KIZ: variants seen among roughly 807,000 people sequenced by gnomAD.
The protein encoded by KIZ is kizuna centrosomal protein, also known as centrosomal protein kizuna.
A neutral mutation model predicts 79.6 loss-of-function variants in KIZ; 68 were observed. The observed-to-expected ratio is 0.85, with a 90% CI of 0.70 to 1.05. The LOEUF is 1.05. Ranked by LOEUF, KIZ falls within the 50% of genes least tolerant of loss-of-function variation. The pLI, the probability that KIZ is intolerant of heterozygous loss-of-function variation, is 0.00. For synonymous variants in KIZ, 280 were observed against 281.8 expected (o/e 0.99, Z 0.06); for missense variants, 797 against 800.4 (o/e 1.00, Z 0.05).
chr20:21,129,236 G>A (rs953284101), intron 1 of KIZ, among the ~76,000 whole-genome samples: 13 of 152,182 alleles, frequency 8.5e-5, no homozygotes, highest in African/African-American at 3.1e-4. Context: ...TTTTGCCTGG[G>A]AGAGAAAGCC....
At chr20:21,240,712 GC>G (rs11087349) in intron 11 of KIZ, among the ~76,000 whole-genome samples, 87,349 of 151,836 alleles carry the variant, frequency 0.58, 27,029 homozygotes, top group South Asian at 0.78. Flanking sequence ...AGTCCATACG[GC>G]CCGCAAGCTA....
intron 7 of KIZ, among the ~76,000 whole-genome samples, chr20:21,209,226 T>C (rs1450853795): frequency 6.6e-6 from 1 of 152,238 alleles, no homozygotes; most frequent in Admixed American, 6.5e-5. Flanking sequence ...AGATAAGGTC[T>C]GCAGTGCCCA....
chr20:21,190,718 ATGT>A (rs1255433208), intron 6 of KIZ, among the ~76,000 whole-genome samples: 4 of 152,220 alleles, frequency 2.6e-5, no homozygotes, highest in South Asian at 2.1e-4. Flanking sequence ...AGGATTTTAA[ATGT>A]TGTTATTTGT....
At chr20:21,183,366 A>G (rs1029764330) in intron 6 of KIZ, among the ~76,000 whole-genome samples, 5 of 152,240 alleles carry the variant, frequency 3.3e-5, no homozygotes, top group Non-Finnish European at 5.9e-5. Context: ...ATTTTAAGTT[A>G]GTGAATTTTA....
chr20:21,148,790 T>C (rs1288463663), intron 4 of KIZ: 1 of 152,148 alleles, frequency 6.6e-6, no homozygotes, highest in Non-Finnish European at 1.5e-5. Flanking sequence ...TATATTCTAC[T>C]AGAAATAGAA....
At chr20:21,205,175 C>A (rs1450113375) in intron 6 of KIZ, among the ~76,000 whole-genome samples, 1 of 152,080 alleles carries the variant, frequency 6.6e-6, no homozygotes, top group African/African-American at 2.4e-5. Context: ...TTAAAAAGTC[C>A]ACTGGCCAAG....
At chr20:21,219,313 C>CT (rs879523075) in intron 9 of KIZ, among the ~76,000 whole-genome samples, 43 of 147,938 alleles carry the variant, frequency 2.9e-4, no homozygotes, top group African/African-American at 4.0e-4. Context: ...GGAACCATGA[C>CT]TTTTTTTTTT....
At chr20:21,126,495 G>A (rs1270432621) in intron 1 of KIZ, among the ~76,000 whole-genome samples, 1 of 152,176 alleles carries the variant, frequency 6.6e-6, no homozygotes, top group Non-Finnish European at 1.5e-5. Context: ...GCCCAGAAGT[G>A]AAGGTGGGAG....
At chr20:21,193,164 G>C (rs989366237) in intron 6 of KIZ, among the ~76,000 whole-genome samples, 1 of 152,020 alleles carries the variant, frequency 6.6e-6, no homozygotes, top group African/African-American at 2.4e-5. Flanking sequence ...CCCAATGTTG[G>C]CAAATTTGTT....
At chr20:21,244,193 A>T in intron 11 of KIZ, 52 bp from the exon 12 acceptor site, 1 of 1,248,458 alleles carries the variant, frequency 8.0e-7, no homozygotes, top group East Asian at 2.3e-5. Flanking sequence ...TGAAAATATT[A>T]GTCTCATTGT....
chr20:21,170,810 C>T (rs2034173186), intron 6 of KIZ, among the ~76,000 whole-genome samples: 1 of 152,222 alleles, frequency 6.6e-6, no homozygotes, highest in Non-Finnish European at 1.5e-5. Context: ...TCTTTCTACT[C>T]TCTGTCTCCA....
At chr20:21,196,927 A>T (rs2035366996) in intron 6 of KIZ, 1 of 152,256 alleles carries the variant, frequency 6.6e-6, no homozygotes, top group South Asian at 2.1e-4. Context: ...TCAGGCACAT[A>T]GCCATCAACT....
rs761126305 is a variant in KIZ at position 21,162,070 on chromosome 20, A to G, written c.605A>G (p.Asn202Ser). The change falls in exon 5 of 13, where the codon AAT (asparagine) becomes AGT (serine). Residue 202 changes from asparagine (N) to serine (S), a missense_variant. Asn to Ser is a conservative substitution (Grantham distance 46). Coordinates refer to ENST00000619189, the MANE Select transcript of KIZ (RefSeq NM_018474.6). ...HSHRQTAQSSNVTDSCVVQTS... is the reference protein window; with the variant it reads ...HSHRQTAQSSSVTDSCVVQTS... ...CACCGACAGACAGCCCAGAGCAGTA[A>G]TGTGACAGACAGCTGTGTAGTACAA... The G allele has an allele frequency of 5.0e-6, 8 of 1,613,930 alleles. No individual in the cohort carries two copies. Among genetic ancestry groups the G allele is most frequent in the Middle Eastern group, 1.6e-4 (1 of 6,062 alleles).
intron 6 of KIZ, chr20:21,194,033 A>G (rs908805998): frequency 1.3e-5 from 2 of 152,172 alleles, no homozygotes; most frequent in African/African-American, 4.8e-5. Context: ...AACAAAAAAA[A>G]TCCCTGTACC....
intron 7 of KIZ, among the ~76,000 whole-genome samples, chr20:21,208,233 A>C (rs2123220328): frequency 6.6e-6 from 1 of 152,318 alleles, no homozygotes; most frequent in African/African-American, 2.4e-5. Flanking sequence ...AGTCCCAAAC[A>C]ACCAATCTAC....
chr20:21,229,814 G>A (rs1276929288), intron 10 of KIZ, among the ~76,000 whole-genome samples: 3 of 152,216 alleles, frequency 2.0e-5, no homozygotes, highest in South Asian at 4.1e-4. Context: ...GGACTCAAGC[G>A]ATCCACCTGC....
intron 6 of KIZ, among the ~76,000 whole-genome samples, chr20:21,205,013 C>T (rs1236729509): frequency 6.6e-6 from 1 of 152,180 alleles, no homozygotes; most frequent in Non-Finnish European, 1.5e-5. Flanking sequence ...CGTGGTGGCT[C>T]ACCCCTGTAA....
intron 9 of KIZ, among the ~76,000 whole-genome samples, chr20:21,216,290 G>A (rs1304234790): frequency 6.6e-6 from 1 of 152,078 alleles, no homozygotes; most frequent in Non-Finnish European, 1.5e-5. Context: ...ACCTTATTTT[G>A]TGAAGTGGTG....
intron 4 of KIZ, among the ~76,000 whole-genome samples, chr20:21,152,865 T>A (rs1158877404): frequency 6.6e-6 from 1 of 152,240 alleles, no homozygotes; most frequent in Non-Finnish European, 1.5e-5. Context: ...CAAGTTCTAT[T>A]CAGGGTCTAT....
Sources: allele counts gnomAD v4.1 joint callset (sites outside exome capture counted in the v4.1 genomes callset), GRCh38; gene constraint gnomAD v4.1.1; transcripts MANE v1.5; gene names NCBI Gene and HGNC (gene_info 2026-07-23, HGNC 2026-07-21).